The following TMEM217 variants were observed in gnomAD, a reference collection of about 807,000 sequenced individuals.
TMEM217 encodes the protein chromosome 6 open reading frame 128.
For missense variants in TMEM217, 204 were observed against 248.8 expected, an observed-to-expected ratio of 0.82 and a Z score of 1.21; for synonymous variants, 76 against 88.3, an observed-to-expected ratio of 0.86 and a Z score of 0.78.
chr6:37,221,810 G>T (rs1334867283), intron 1 of TMEM217, among the ~76,000 whole-genome samples: 1 of 152,158 alleles, frequency 6.6e-6, no homozygotes, highest in Non-Finnish European at 1.5e-5. Flanking sequence ...TTAAGTGTTA[G>T]ATCAGCTAAA....
At chr6:37,253,608 T>C (rs1186665432) in intron 1 of TMEM217, among the ~76,000 whole-genome samples, 1 of 152,214 alleles carries the variant, frequency 6.6e-6, no homozygotes, top group Non-Finnish European at 1.5e-5. Context: ...GGCCCAACAT[T>C]GCACAGTGCA....
At chr6:37,225,026 A>C (rs935391143) in intron 1 of TMEM217, among the ~76,000 whole-genome samples, 1 of 150,980 alleles carries the variant, frequency 6.6e-6, no homozygotes, top group Non-Finnish European at 1.5e-5. Context: ...AAAAAAAAAA[A>C]CACCACCACC....
chr6:37,215,570 CAAAAAAAAAAAAAAAAA>C (rs34808595), downstream of TMEM217, among the ~76,000 whole-genome samples: 7 of 72,374 alleles, frequency 9.7e-5, no homozygotes, highest in African/African-American at 4.2e-4. Flanking sequence ...GACTCTGTCT[CAAAAAAAAAAAAAAAAA>C]AAAAAAAAAA....
At chr6:37,213,496 G>A (rs181412978), downstream of TMEM217, among the ~76,000 whole-genome samples, 29 of 152,348 alleles carry the variant, frequency 1.9e-4, no homozygotes, top group African/African-American at 6.3e-4. Flanking sequence ...CCTGGGCATG[G>A]CCCAGCCTTG....
chr6:37,220,033 T>C (rs1763420779), intron 1 of TMEM217, among the ~76,000 whole-genome samples: 1 of 151,952 alleles, frequency 6.6e-6, no homozygotes, highest in South Asian at 2.1e-4. Flanking sequence ...AATGTAACAA[T>C]GAGCTAAGTA....
exon 4 of TMEM217, chr6:37,212,374 G>A (rs764725534): frequency 2.7e-6 from 1 of 375,802 alleles, no homozygotes; most frequent in South Asian, 2.0e-5. Flanking sequence ...CATTGTTGAG[G>A]AACACCATTC....
chr6:37,229,338 T>TTTTG (rs1208348856), intron 1 of TMEM217, among the ~76,000 whole-genome samples: 19 of 121,086 alleles, frequency 1.6e-4, no homozygotes, highest in East Asian at 4.8e-4. Context: ...ACTTTCAGTT[T>TTTTG]TTTTTTTTTT....
chr6:37,238,002 T>G (rs933891004), intron 1 of TMEM217, among the ~76,000 whole-genome samples: 10 of 152,166 alleles, frequency 6.6e-5, no homozygotes, highest in African/African-American at 2.4e-4. Flanking sequence ...CAGACACTAA[T>G]TTTATTTTGG....
downstream of TMEM217, chr6:37,213,020 C>CACG: frequency 6.7e-7 from 1 of 1,485,878 alleles, no homozygotes; most frequent in Non-Finnish European, 9.1e-7. Flanking sequence ...ATCATACAGA[C>CACG]ACGTGACAAG....
intron 1 of TMEM217, among the ~76,000 whole-genome samples, chr6:37,222,539 A>G (rs1021762069): frequency 6.6e-5 from 10 of 152,160 alleles, no homozygotes; most frequent in African/African-American, 2.2e-4. Flanking sequence ...CGGGTCTCCT[A>G]CTTGTCCCTG....
chr6:37,212,326 G>A (rs1762952548), exon 4 of TMEM217: 1 of 355,370 alleles, frequency 2.8e-6, no homozygotes, highest in African/African-American at 2.1e-5. Flanking sequence ...GACAAACCAA[G>A]CAGCATCAAC....
chr6:37,257,794 G>C, exon 1 of TMEM217: 2 of 1,050,938 alleles, frequency 1.9e-6, no homozygotes, highest in Non-Finnish European at 2.8e-6. Context: ...GCGTCCCCAG[G>C]AGCTGGGAGC....
exon 2 of TMEM217, chr6:37,218,964 T>C (rs555767337): frequency 9.9e-6 from 16 of 1,614,236 alleles, no homozygotes; most frequent in South Asian, 5.5e-5. Context: ...ACGGCCATGA[T>C]GGTGAAGACC....
chr6:37,231,583 G>A (rs1425433816), intron 1 of TMEM217, among the ~76,000 whole-genome samples: 1 of 148,806 alleles, frequency 6.7e-6, no homozygotes, highest in Non-Finnish European at 1.5e-5. Context: ...TGAGGCAGGA[G>A]AATGGCGTGA....
At chr6:37,219,872 G>A (rs1763413921) in intron 1 of TMEM217, among the ~76,000 whole-genome samples, 1 of 152,180 alleles carries the variant, frequency 6.6e-6, no homozygotes, top group Non-Finnish European at 1.5e-5. Flanking sequence ...CAAGAACCCT[G>A]TTGGGTGGAG....
intron 1 of TMEM217, among the ~76,000 whole-genome samples, chr6:37,235,682 G>T (rs781377893): frequency 2.8e-4 from 43 of 152,118 alleles, no homozygotes; most frequent in Admixed American, 5.2e-4. Flanking sequence ...ATTTCTTATG[G>T]TTCTGGAGGC....
At chr6:37,213,320 C>T (rs752719248), downstream of TMEM217, among the ~76,000 whole-genome samples, 7 of 152,206 alleles carry the variant, frequency 4.6e-5, no homozygotes, top group Non-Finnish European at 1.0e-4. Flanking sequence ...TCAGAGGTTC[C>T]TGTATTGAGG....
exon 1 of TMEM217, chr6:37,257,862 G>C: frequency 1.3e-6 from 2 of 1,585,876 alleles, no homozygotes; most frequent in Non-Finnish European, 1.7e-6. Flanking sequence ...GGGTCTGGGG[G>C]CATCTCGCCG....
chr6:37,221,019 T>C (rs533982939), intron 1 of TMEM217, among the ~76,000 whole-genome samples: 1 of 152,264 alleles, frequency 6.6e-6, no homozygotes, highest in Non-Finnish European at 1.5e-5. Flanking sequence ...GTTAAGTATA[T>C]TCATTTTGTT....
Sources: gnomAD v4.1 joint callset for allele counts (sites outside exome capture counted in the v4.1 genomes callset) on GRCh38, gnomAD v4.1.1 for gene constraint, MANE v1.5 for transcripts, NCBI Gene and HGNC (gene_info 2026-07-23, HGNC 2026-07-21) for gene names.